The following WNT7A variants were observed in gnomAD, a reference collection of about 807,000 sequenced individuals.
WNT7A encodes protein Wnt-7a.
WNT7A carries 16 observed loss-of-function variants against 28.2 expected under a neutral mutation model. The observed-to-expected ratio is 0.57, with a 90% CI of 0.38 to 0.86. WNT7A has a LOEUF of 0.86. Ranked by LOEUF, WNT7A falls within the 40% of genes least tolerant of loss-of-function variation. WNT7A has a pLI of 0.00. For synonymous variants in WNT7A, 190 were observed against 195.9 expected (o/e 0.97, Z 0.25); for missense variants, 411 against 489.7 (o/e 0.84, Z 1.52).
chr3:13,847,395 G>A (rs534836444), intron 3 of WNT7A, among the ~76,000 whole-genome samples: 35 of 152,332 alleles, frequency 2.3e-4, no homozygotes, highest in Non-Finnish European at 4.6e-4. Flanking sequence ...CAGGCCCTAG[G>A]TGCAGCTCTT....
At chr3:13,854,496 G>C (rs200791673) in intron 3 of WNT7A, 36 bp downstream of exon 3, 2 of 1,613,406 alleles carry the variant, frequency 1.2e-6, no homozygotes, top group Non-Finnish European at 8.5e-7. Flanking sequence ...CAGCATCTCC[G>C]CGAGCGCCGC....
At chr3:13,875,229 G>T in intron 1 of WNT7A, 56 bp from the exon 2 acceptor site, 1 of 1,589,488 alleles carries the variant, frequency 6.3e-7, no homozygotes, top group Non-Finnish European at 8.6e-7. Context: ...GGCATGGCCT[G>T]GGAACCCTTC....
chr3:13,862,667 C>G (rs1413640070), intron 2 of WNT7A, among the ~76,000 whole-genome samples: 1 of 152,172 alleles, frequency 6.6e-6, no homozygotes. Context: ...GTGCAGGGAG[C>G]TGTGTCTGGG....
chr3:13,869,704 G>A (rs1372558937), intron 2 of WNT7A, among the ~76,000 whole-genome samples: 3 of 132,058 alleles, frequency 2.3e-5, no homozygotes, highest in Non-Finnish European at 4.9e-5. Context: ...AGAGAAAGAA[G>A]GAGAGAAAGA....
rs1375660496 is a variant in WNT7A at position 13,817,392 on chromosome 3, T to C, written c.*1552A>G. The C allele has an allele frequency of 2.0e-5, 3 of 150,576 alleles. No individual in the cohort carries two copies. Among genetic ancestry groups the C allele is most frequent in the African/African-American group, 7.4e-5 (3 of 40,732 alleles). The allele number at this position is 150,576 out of a possible 1,614,324, so 9.3% of individuals were successfully genotyped here. A position where few individuals can be genotyped will look rare whatever the true frequency, so the allele number is the denominator to read the frequency against. On this transcript the variant is annotated 3_prime_UTR_variant, in exon 4 of 4. Transcript: ENST00000285018. ...AGGCGCTGCAAGGCGCAAAGTCACG[T>C]GACTACACTCAAGTCCCTAAGAAGA...
At chr3:13,877,919 C>T (rs985297192) in intron 1 of WNT7A, among the ~76,000 whole-genome samples, 1 of 152,226 alleles carries the variant, frequency 6.6e-6, no homozygotes, top group African/African-American at 2.4e-5. Flanking sequence ...GCGGGTAGAG[C>T]CGTCACGTCT....
chr3:13,826,723 C>T (rs964022340), intron 3 of WNT7A, among the ~76,000 whole-genome samples: 1 of 151,994 alleles, frequency 6.6e-6, no homozygotes, highest in Non-Finnish European at 1.5e-5. Flanking sequence ...CTGAAACCAG[C>T]CAGAAGAGGG....
intron 3 of WNT7A, among the ~76,000 whole-genome samples, chr3:13,829,027 G>A (rs1056324874): frequency 2.0e-5 from 3 of 152,202 alleles, no homozygotes; most frequent in South Asian, 2.1e-4. Flanking sequence ...CACGGAGGCC[G>A]AAAGCATAAC....
intron 3 of WNT7A, among the ~76,000 whole-genome samples, chr3:13,832,163 C>G (rs965523714): frequency 6.7e-6 from 1 of 150,048 alleles, no homozygotes; most frequent in Non-Finnish European, 1.5e-5. Flanking sequence ...TGCTCCCCCT[C>G]CTCCTCCTCA....
chr3:13,827,974 C>T (rs1164674309), intron 3 of WNT7A, among the ~76,000 whole-genome samples: 1 of 152,154 alleles, frequency 6.6e-6, no homozygotes, highest in African/African-American at 2.4e-5. Context: ...CACAGAGCCA[C>T]CTGTCCCAGC....
intron 2 of WNT7A, among the ~76,000 whole-genome samples, chr3:13,860,710 C>A (rs529784214): frequency 2.7e-3 from 411 of 152,212 alleles, no homozygotes; most frequent in African/African-American, 9.4e-3. Context: ...TCCCTTGGAC[C>A]CTGGTCATGC....
intron 2 of WNT7A, among the ~76,000 whole-genome samples, chr3:13,862,841 C>T (rs1241779961): frequency 6.6e-6 from 1 of 152,264 alleles, no homozygotes; most frequent in Non-Finnish European, 1.5e-5. Flanking sequence ...TCCTTCCTGG[C>T]TTCACGCCTT....
chr3:13,844,444 A>G (rs1694508434), intron 3 of WNT7A, among the ~76,000 whole-genome samples: 1 of 152,166 alleles, frequency 6.6e-6, no homozygotes, highest in Non-Finnish European at 1.5e-5. Flanking sequence ...CTTCCCCACC[A>G]TGGCCTGGGG....
At position 13,817,903 on chromosome 3, in the gene WNT7A, C is replaced by T. The variant is rs1278532808; in HGVS notation, c.*1041G>A. 2 of 152,166 alleles carry T rather than the reference C, an allele frequency of 1.3e-5. No homozygotes were observed. Among genetic ancestry groups the T allele is most frequent in the Admixed American group, 6.5e-5 (1 of 15,280 alleles). 9.4% of individuals were successfully genotyped at this position (152,166 alleles called of 1,614,324 possible). ...CTGAGGCTGGGGATTTGATTTCTTT[C>T]CCGGCTAACATGGATGAGATGATGC... On this transcript the variant is annotated 3_prime_UTR_variant, in exon 4 of 4. Transcript: ENST00000285018.
intron 2 of WNT7A, among the ~76,000 whole-genome samples, chr3:13,874,120 G>A: frequency 6.6e-6 from 1 of 152,158 alleles, no homozygotes; most frequent in African/African-American, 2.4e-5. Context: ...ACCTGAGGAG[G>A]AGGCGGCAGG....
At chr3:13,844,503 C>T (rs1362152592) in intron 3 of WNT7A, among the ~76,000 whole-genome samples, 1 of 152,186 alleles carries the variant, frequency 6.6e-6, no homozygotes, top group Non-Finnish European at 1.5e-5. Flanking sequence ...GCCTGGGATG[C>T]TGCTCACGTT....
At chr3:13,878,195 C>T (rs780719029) in intron 1 of WNT7A, among the ~76,000 whole-genome samples, 3 of 152,052 alleles carry the variant, frequency 2.0e-5, no homozygotes, top group Non-Finnish European at 4.4e-5. Context: ...GGCGGGAGGG[C>T]GGCCCGCGGG....
At position 13,816,393 on chromosome 3, in the gene WNT7A, C is replaced by T. The variant is rs1014499481; in HGVS notation, c.*2551G>A. On this transcript the variant is annotated 3_prime_UTR_variant, in exon 4 of 4. Transcript: ENST00000285018. ...GCTCAGAGCACAGCTGAACAGGGCA[C>T]CCGAGAGAGGGCAGGCCCCAGAGCT... 1 of 152,254 alleles carries T rather than the reference C, an allele frequency of 6.6e-6. No homozygotes were observed. Among genetic ancestry groups the T allele is most frequent in the Non-Finnish European group, 1.5e-5 (1 of 68,108 alleles). 9.4% of individuals were successfully genotyped at this position (152,254 alleles called of 1,614,324 possible).
intron 3 of WNT7A, among the ~76,000 whole-genome samples, chr3:13,825,198 T>C (rs1575059338): frequency 1.3e-5 from 2 of 152,338 alleles, no homozygotes; most frequent in South Asian, 4.1e-4. Context: ...GGAGTCTTAC[T>C]TTTCATGGGA....
Sources: gnomAD v4.1 joint callset for allele counts (sites outside exome capture counted in the v4.1 genomes callset) on GRCh38, gnomAD v4.1.1 for gene constraint, MANE v1.5 for transcripts, NCBI Gene and HGNC (gene_info 2026-07-23, HGNC 2026-07-21) for gene names.